Variants in FMO5 observed in about 807,000 individuals in gnomAD.
FMO5 encodes the protein flavin containing dimethylaniline monoxygenase 5.
FMO5 carries 51 observed loss-of-function variants against 43.6 expected under a neutral mutation model. The ratio of observed to expected loss-of-function variants is 1.17; its 90% confidence interval spans 0.93 to 1.48. The LOEUF is 1.48. FMO5 is among the 40% of genes most tolerant of loss of function. The probability of loss-of-function intolerance (pLI) is 0.00; values close to 1 mark genes in which losing one functional copy is unlikely to be tolerated. For missense variants in FMO5, 644 were observed against 643.0 expected (o/e 1.00, Z -0.02); for synonymous variants, 187 against 216.5 (o/e 0.86, Z 1.20).
intron 4 of FMO5, 75 bp from the exon 5 acceptor site, chr1:147,212,610 T>C: frequency 2.2e-6 from 3 of 1,389,604 alleles, no homozygotes; most frequent in Non-Finnish European, 3.0e-6. Context: ...ATTTGTTTTT[T>C]TTGCAGACTT....
At chr1:147,222,283 A>G (rs2102077716) in intron 2 of FMO5, among the ~76,000 whole-genome samples, 1 of 152,280 alleles carries the variant, frequency 6.6e-6, no homozygotes, top group South Asian at 2.1e-4. Context: ...CATGAGAATC[A>G]CTTGAACCCA....
chr1:147,201,073 A>G, intron 7 of FMO5, 79 bp downstream of exon 7: 1 of 967,920 alleles, frequency 1.0e-6, no homozygotes, highest in Non-Finnish European at 1.6e-6. Context: ...TGCTATCTCT[A>G]GCTATTTAAA....
intron 2 of FMO5, among the ~76,000 whole-genome samples, chr1:147,222,537 CT>C (rs1663226468): frequency 6.6e-6 from 1 of 152,160 alleles, no homozygotes; most frequent in East Asian, 1.9e-4. Context: ...AATAGAAACT[CT>C]CTTTGAACTG....
chr1:147,187,129 T>A lies in FMO5; in HGVS notation c.1373A>T (p.Lys458Met). ...NLLSLAFTDP[K>M]LALHLLLGPC... ...TCCCAGTAATAAGTGTAATGCCAGC[T>A]TGGGGTCAGTGAAGGCCAGAGACAG... The change falls in exon 9 of 9, where the codon AAG becomes ATG. Residue 458 changes from lysine (K) to methionine (M), a missense_variant. Coordinates refer to ENST00000254090, the MANE Select transcript of FMO5 (RefSeq NM_001461.4). 3 of 1,614,098 alleles carry A rather than the reference T, an allele frequency of 1.9e-6. No homozygotes were observed. Among genetic ancestry groups the A allele is most frequent in the Non-Finnish European group, 2.5e-6 (3 of 1,180,018 alleles).
chr1:147,214,759 TATTA>T (rs1661697922), intron 3 of FMO5: 1 of 151,962 alleles, frequency 6.6e-6, no homozygotes, highest in South Asian at 2.1e-4. Flanking sequence ...TCTCTATTTT[TATTA>T]ATTATATTTA....
chr1:147,199,238 AT>A (rs76315499), intron 7 of FMO5, among the ~76,000 whole-genome samples: 29,078 of 152,094 alleles, frequency 0.19, 3,253 homozygotes, highest in Middle Eastern at 0.26. Flanking sequence ...CATGAAAAAA[AT>A]GGGAAAAACA....
rs587681104 is a variant in FMO5, at chr1:147,193,947, T to A, written c.1184-3698A>T. On this transcript the variant is annotated intron_variant, in intron 7 of 8. Coordinates refer to ENST00000254090, the MANE Select transcript of FMO5 (RefSeq NM_001461.4). ...TCCAACTATGTGATCAATTTTGCAA[T>A]AGGTGTGGTGTGGTGCTGAAAAAAA... Among the ~76,000 whole-genome samples the A allele has an allele frequency of 2.6e-4, 40 of 152,108 alleles. 1 individual carries two copies. The South Asian group carries it at 8.1e-3, about 31-fold the overall frequency.
At position 147,208,995 on chromosome 1, in the gene FMO5, T is replaced by G; in HGVS notation, c.687A>C (p.Gly229=). 1 of 1,614,026 alleles carries G rather than the reference T, an allele frequency of 6.2e-7. No homozygotes were observed. Among genetic ancestry groups the G allele is most frequent in the Non-Finnish European group, 8.5e-7 (1 of 1,179,978 alleles). Residue 229 remains glycine, a synonymous_variant, in exon 6 of 9, where the codon GGA becomes GGC. Transcript: ENST00000254090. ...AAGAGAACAACACATCAGCAGGATATCCGTAGTCCCCTACACGATTCAGGA... is the reference window on the plus strand; with the variant it reads ...AAGAGAACAACACATCAGCAGGATAGCCGTAGTCCCCTACACGATTCAGGA... ...AWILNRVGDY[G]YPADVLFSSR...
At position 147,208,928 on chromosome 1, in the gene FMO5, A is replaced by G; in HGVS notation, c.754T>C (p.Leu252=). 1 of 1,614,124 alleles carries G rather than the reference A, an allele frequency of 6.2e-7. No individual in the cohort carries two copies. The highest frequency in any genetic ancestry group is 8.5e-7 in the Non-Finnish European group (1 of 1,179,992). ...HFIWKICGQS[L]ANKYLEKKIN... ...TTTTTTTCCAAATATTTGTTTGCTA[A>G]TGATTGGCCACAGATCTTCCATATA... is the stretch of plus-strand genomic sequence containing the variant. Residue 252 remains leucine, a synonymous_variant, in exon 6 of 9, where the codon TTA becomes CTA. Coordinates refer to ENST00000254090, the MANE Select transcript of FMO5 (RefSeq NM_001461.4).
At chr1:147,204,996 C>T in intron 6 of FMO5, 2 of 909,692 alleles carry the variant, frequency 2.2e-6, no homozygotes, top group Non-Finnish European at 3.6e-6. Context: ...CAAAGGTTTT[C>T]ATGCCTGATG....
chr1:147,190,881 T>A (rs1426597145), intron 7 of FMO5, among the ~76,000 whole-genome samples: 3 of 151,926 alleles, frequency 2.0e-5, no homozygotes, highest in Non-Finnish European at 4.4e-5. Context: ...CCCCTTCCTG[T>A]GTCCATCTGT....
rs144382803 is a variant in FMO5 at position 147,202,394 on chromosome 1, A to T, written c.831-890T>A. On this transcript the variant is annotated intron_variant, in intron 6 of 8. Coordinates refer to ENST00000254090, the MANE Select transcript of FMO5 (RefSeq NM_001461.4). The stretch of plus-strand genomic sequence containing the variant: ...GAGTGCAGTGGCATGATCTTGGCTC[A>T]CTGCAACCTCCACCTCCCAGGTTCA... 5.1e-3 allele frequency among the ~76,000 whole-genome samples: 663 copies of T among 131,134 alleles called. 5 individuals carry two copies. Among genetic ancestry groups the T allele is most frequent in the African/African-American group, 0.018 (630 of 34,188 alleles). The allele number at this position is 131,134 out of a possible 152,430, so 86.0% of individuals were successfully genotyped here.
intron 7 of FMO5, among the ~76,000 whole-genome samples, chr1:147,199,106 G>A (rs1658539023): frequency 6.6e-6 from 1 of 152,096 alleles, no homozygotes; most frequent in Non-Finnish European, 1.5e-5. Context: ...TAAATTCAGT[G>A]TTCTAGAAAA....
intron 8 of FMO5, among the ~76,000 whole-genome samples, chr1:147,188,089 T>C (rs1655947378): frequency 6.6e-6 from 1 of 152,112 alleles, no homozygotes; most frequent in African/African-American, 2.4e-5. Flanking sequence ...CAAGTAGGAA[T>C]TTATTGAAAT....
At chr1:147,194,212 T>G (rs587738038) in intron 7 of FMO5, among the ~76,000 whole-genome samples, 1 of 152,274 alleles carries the variant, frequency 6.6e-6, no homozygotes, top group Admixed American at 6.5e-5. Context: ...GCATATATAT[T>G]TAGGATAGTT....
rs782787091 is a variant in FMO5, at chr1:147,212,519, T to G, written c.504A>C (p.Lys168Asn). Reference protein sequence around the residue: ...LESFPGIEKFKGQYFHSRDYK... With the variant: ...LESFPGIEKFNGQYFHSRDYK... Reference sequence around the variant, plus strand: ...AGTCTCGACTGTGGAAGTACTGCCCTTTGAACTTCTCAATTCCTGCAAGAG... The same window carrying G: ...AGTCTCGACTGTGGAAGTACTGCCCGTTGAACTTCTCAATTCCTGCAAGAG... The change falls in exon 5 of 9, where the codon AAA becomes AAC. Residue 168 changes from lysine (K) to asparagine (N), a missense_variant. Physicochemically the swap from Lys to Asn is moderately conservative, Grantham distance 94. Transcript: ENST00000254090. The G allele has an allele frequency of 6.2e-7, 1 of 1,613,018 alleles. No individual in the cohort carries two copies. The highest frequency in any genetic ancestry group is 2.2e-5 in the East Asian group (1 of 44,870).
chr1:147,185,928 A>G (rs1655578521), downstream of FMO5, among the ~76,000 whole-genome samples: 1 of 152,214 alleles, frequency 6.6e-6, no homozygotes, highest in South Asian at 2.1e-4. Flanking sequence ...AACTGGTATA[A>G]GCAGAATGTT....
At chr1:147,205,158 G>A (rs1368541946) in intron 6 of FMO5, among the ~76,000 whole-genome samples, 1 of 152,062 alleles carries the variant, frequency 6.6e-6, no homozygotes, top group East Asian at 1.9e-4. Context: ...TATTTGTTTG[G>A]CTATCTCCTA....
At chr1:147,224,817 C>T in intron 2 of FMO5, 78 bp downstream of exon 2, 1 of 1,448,208 alleles carries the variant, frequency 6.9e-7, no homozygotes, top group Non-Finnish European at 9.7e-7. Context: ...GGCCACCTGA[C>T]ACTGTTAAGA....
Sources: allele counts gnomAD v4.1 joint callset (sites outside exome capture counted in the v4.1 genomes callset), GRCh38; gene constraint gnomAD v4.1.1; transcripts MANE v1.5; gene names NCBI Gene and HGNC (gene_info 2026-07-23, HGNC 2026-07-21).